Variants in DENND5B observed in about 807,000 individuals in gnomAD.
The protein encoded by DENND5B is DENN domain-containing protein 5B.
Under a neutral mutation model 140.6 loss-of-function variants are expected in DENND5B, and 34 were observed. The observed-to-expected ratio is 0.24, with a 90% confidence interval of 0.18 to 0.32. DENND5B has a LOEUF of 0.32. Ranked by LOEUF, DENND5B falls within the 10% of genes least tolerant of loss-of-function variation. The pLI, the probability that DENND5B is intolerant of heterozygous loss-of-function variation, is 1.00. For missense variants in DENND5B, 1,142 were observed against 1,560.2 expected, an observed-to-expected ratio of 0.73 and a Z score of 4.52; for synonymous variants, 551 against 562.1, an observed-to-expected ratio of 0.98 and a Z score of 0.28.
intron 3 of DENND5B, among the ~76,000 whole-genome samples, chr12:31,463,085 A>G (rs1374049616): frequency 1.3e-5 from 2 of 152,160 alleles, no homozygotes; most frequent in Non-Finnish European, 2.9e-5. Context: ...CATCATGGCA[A>G]AACCCTGTCT....
intron 12 of DENND5B, among the ~76,000 whole-genome samples, chr12:31,414,538 G>C (rs1305977436): frequency 6.6e-6 from 1 of 152,046 alleles, no homozygotes; most frequent in East Asian, 1.9e-4. Flanking sequence ...AAATAGTTTA[G>C]GACGGGCACA....
In DENND5B at chr12:31,392,360, T is replaced by C; in HGVS notation, c.3373A>G (p.Asn1125Asp). The change falls in exon 19 of 21, where the codon AAT becomes GAT. Residue 1125 changes from asparagine (N) to aspartate (D), a missense_variant. Physicochemically the swap from Asn to Asp is conservative, Grantham distance 23. Coordinates refer to ENST00000389082, the MANE Select transcript of DENND5B (RefSeq NM_144973.4). ...GSLTVLLCGE[N>D]GLVAALEQVF... ...TGCTCAAGGGCTGCAACCAGGCCATTTTCTCCACACAGCAACACGGTGAGG... is the reference window on the plus strand; with the variant it reads ...TGCTCAAGGGCTGCAACCAGGCCATCTTCTCCACACAGCAACACGGTGAGG... The C allele has an allele frequency of 6.2e-7, 1 of 1,613,748 alleles. No individual in the cohort carries two copies. The highest frequency in any genetic ancestry group is 1.3e-5 in the African/African-American group (1 of 74,978).
intron 1 of DENND5B, among the ~76,000 whole-genome samples, chr12:31,576,185 C>T (rs906523224): frequency 6.7e-6 from 1 of 148,344 alleles, no homozygotes; most frequent in Non-Finnish European, 1.5e-5. Context: ...CGCACAGGGG[C>T]TCACACCTGT....
At chr12:31,390,778 C>G (rs1941096556) in intron 19 of DENND5B, among the ~76,000 whole-genome samples, 1 of 152,164 alleles carries the variant, frequency 6.6e-6, no homozygotes, top group Admixed American at 6.5e-5. Context: ...AATCCCAGCA[C>G]CTTGGGAGGC....
At chr12:31,490,530 G>A (rs1379444120) in intron 2 of DENND5B, among the ~76,000 whole-genome samples, 1 of 151,902 alleles carries the variant, frequency 6.6e-6, no homozygotes, top group East Asian at 1.9e-4. Context: ...AGGATCGCTA[G>A]AGCATGGGAG....
intron 4 of DENND5B, among the ~76,000 whole-genome samples, chr12:31,457,451 T>C (rs1347345310): frequency 6.6e-6 from 1 of 152,264 alleles, no homozygotes; most frequent in Non-Finnish European, 1.5e-5. Flanking sequence ...TTTGTAACTA[T>C]GTTTAGAAGT....
At chr12:31,433,118 C>T (rs751479769) in intron 8 of DENND5B, 37 bp downstream of exon 8, 2 of 1,575,506 alleles carry the variant, frequency 1.3e-6, no homozygotes, top group Admixed American at 1.7e-5. Flanking sequence ...GTTCATGGCG[C>T]TTGCTGTGAG....
intron 2 of DENND5B, among the ~76,000 whole-genome samples, chr12:31,483,194 A>T (rs1258747347): frequency 6.6e-6 from 1 of 152,194 alleles, no homozygotes. Flanking sequence ...CCCCATTAAG[A>T]AGTGGAGCTC....
At chr12:31,476,678 G>A (rs1294170034) in intron 3 of DENND5B, among the ~76,000 whole-genome samples, 6 of 152,114 alleles carry the variant, frequency 3.9e-5, no homozygotes, top group Admixed American at 2.0e-4. Flanking sequence ...TACTCGGGAC[G>A]CTGAGATGGG....
At chr12:31,543,484 C>T (rs1170582507) in intron 1 of DENND5B, among the ~76,000 whole-genome samples, 1 of 151,978 alleles carries the variant, frequency 6.6e-6, no homozygotes, top group Non-Finnish European at 1.5e-5. Flanking sequence ...GGAAAAAAAC[C>T]CACTAGGCTG....
rs546368170 is a variant in DENND5B, at chr12:31,446,895, A to AAAAAAG, written c.1861+637_1861+642dup. On this transcript the variant is annotated intron_variant, in intron 6 of 20. Coordinates refer to ENST00000389082, the MANE Select transcript of DENND5B (RefSeq NM_144973.4). ...GAGTGAGACTCCGCCTCAAAAAAAA[A>AAAAAAG]AAAAAGAAAAAGAAAAAGAAAAAGA... Among the ~76,000 whole-genome samples the AAAAAAG allele has an allele frequency of 4.0e-3, 608 of 151,730 alleles. 3 individuals are homozygous for AAAAAAG. The highest frequency in any genetic ancestry group is 0.012 in the African/African-American group (494 of 41,330).
intron 2 of DENND5B, among the ~76,000 whole-genome samples, chr12:31,486,558 T>C (rs1487455289): frequency 1.3e-5 from 2 of 152,236 alleles, no homozygotes; most frequent in Non-Finnish European, 2.9e-5. Context: ...TGTCTATGGA[T>C]GCCTTCACAC....
intron 8 of DENND5B, chr12:31,431,979 C>T: frequency 1.2e-6 from 1 of 833,656 alleles, no homozygotes. Context: ...GTGTAACATT[C>T]AAGTAACACC....
At position 31,392,271 on chromosome 12, in the gene DENND5B, G is replaced by C. The variant is rs1313488824; in HGVS notation, c.3462C>G (p.Phe1154Leu). 1 of 1,613,580 alleles carries C rather than the reference G, an allele frequency of 6.2e-7. No individual in the cohort carries two copies. The highest frequency in any genetic ancestry group is 1.7e-5 in the Admixed American group (1 of 59,992). Reference protein sequence around the residue: ...IFHKNVFIWDFIEKVVAYFET... With the variant: ...IFHKNVFIWDLIEKVVAYFET... ...ATACACATCTACTTTATTTACCTATGAAGTCCCAGATGAAGACATTCTTGT... is the reference window on the plus strand; with the variant it reads ...ATACACATCTACTTTATTTACCTATCAAGTCCCAGATGAAGACATTCTTGT... The change falls in exon 19 of 21, where the codon TTC becomes TTG. Residue 1154 changes from phenylalanine to leucine, a missense_variant. By Grantham distance (22) the Phe-to-Leu change is conservative. Coordinates refer to ENST00000389082, the MANE Select transcript of DENND5B (RefSeq NM_144973.4).
chr12:31,464,511 C>CT (rs1945166533), intron 3 of DENND5B, among the ~76,000 whole-genome samples: 1 of 152,134 alleles, frequency 6.6e-6, no homozygotes, highest in Non-Finnish European at 1.5e-5. Flanking sequence ...CATGGTCTCT[C>CT]TTCCCCAATA....
At chr12:31,459,150 C>T (rs562502648) in intron 4 of DENND5B, among the ~76,000 whole-genome samples, 83 of 151,798 alleles carry the variant, frequency 5.5e-4, no homozygotes, top group African/African-American at 1.8e-3. Context: ...AGGCGGTGAG[C>T]CAAGATCCCG....
chr12:31,441,494 T>C (rs553703519), intron 7 of DENND5B, among the ~76,000 whole-genome samples: 1 of 149,470 alleles, frequency 6.7e-6, no homozygotes, highest in South Asian at 2.1e-4. Context: ...GGCCCAAGTT[T>C]TTTTTTTGAG....
At chr12:31,526,836 T>C (rs1948102036) in intron 1 of DENND5B, among the ~76,000 whole-genome samples, 1 of 152,222 alleles carries the variant, frequency 6.6e-6, no homozygotes. Flanking sequence ...TACACTGTCT[T>C]TGGAACTCTT....
intron 9 of DENND5B, 72 bp downstream of exon 9, chr12:31,426,221 T>G: frequency 6.7e-7 from 1 of 1,490,024 alleles, no homozygotes; most frequent in African/African-American, 1.4e-5. Flanking sequence ...GGGGGTTAAC[T>G]CAGTTCATCT....
Sources: allele counts gnomAD v4.1 joint callset (sites outside exome capture counted in the v4.1 genomes callset), GRCh38; gene constraint gnomAD v4.1.1; transcripts MANE v1.5; gene names NCBI Gene and HGNC (gene_info 2026-07-23, HGNC 2026-07-21).